Variants in CALN1 observed in about 807,000 individuals in gnomAD.
CALN1 encodes the protein calneuron 1, also known as calcium-binding protein 8.
A neutral mutation model predicts 30.6 loss-of-function variants in CALN1; 17 were observed. That is an observed-to-expected ratio of 0.56 (90% CI 0.38 to 0.83). The LOEUF is 0.83. CALN1 is among the 40% of genes least tolerant of loss of function. The pLI is 0.00. For missense variants in CALN1, 291 were observed against 354.9 expected (o/e 0.82, Z 1.45); for synonymous variants, 156 against 131.4 (o/e 1.19, Z -1.28).
At chr7:72,310,840 T>G (rs1010324221) in intron 2 of CALN1, among the ~76,000 whole-genome samples, 10 of 147,218 alleles carry the variant, frequency 6.8e-5, no homozygotes, top group African/African-American at 2.3e-4. Flanking sequence ...GAGGTGGAGG[T>G]TGCAGTGAGC....
chr7:72,248,590 T>C (rs539760925), intron 3 of CALN1, among the ~76,000 whole-genome samples: 1 of 152,276 alleles, frequency 6.6e-6, no homozygotes, highest in South Asian at 2.1e-4. Flanking sequence ...CTCCCTCTTA[T>C]AAGGACACTT....
In CALN1 at chr7:72,316,160, AAAG is replaced by A. The variant is rs199854611; in HGVS notation, c.120-37353_120-37351del. Among the ~76,000 whole-genome samples, 671 of 49,318 alleles carry A rather than the reference AAAG, an allele frequency of 0.014. 44 individuals carry two copies. In the East Asian group the frequency reaches 0.15, roughly 11 times the overall value. 32.4% of individuals were successfully genotyped at this position (49,318 alleles called of 152,430 possible). On this transcript the variant is annotated intron_variant, in intron 2 of 6. Coordinates refer to ENST00000395275, the MANE Select transcript of CALN1 (RefSeq NM_031468.4). ...ATTATGTCTTTAAAAAAAAAGAAAG[AAAG>A]AAAAAAAAGAATTTGTCCTTAAAAA... is the stretch of plus-strand genomic sequence containing the variant.
chr7:72,025,372 G>T (rs1449395601), intron 4 of CALN1, among the ~76,000 whole-genome samples: 1 of 152,140 alleles, frequency 6.6e-6, no homozygotes, highest in Admixed American at 6.6e-5. Context: ...TCACTGATTT[G>T]CATGCCTATC....
At chr7:72,387,604 C>A (rs951302171) in intron 2 of CALN1, among the ~76,000 whole-genome samples, 1 of 152,146 alleles carries the variant, frequency 6.6e-6, no homozygotes, top group Non-Finnish European at 1.5e-5. Flanking sequence ...CTCCCCTACA[C>A]CCATCACCCC....
At chr7:72,458,967 G>C in the CALN1 span, among the ~76,000 whole-genome samples, 2 of 146,742 alleles carry the variant, frequency 1.4e-5, no homozygotes, top group South Asian at 4.2e-4. Context: ...GTGGAGTGCA[G>C]TGGCACAACC....
chr7:71,835,957 T>C (rs374083132), intron 5 of CALN1, among the ~76,000 whole-genome samples: 16 of 152,316 alleles, frequency 1.1e-4, no homozygotes, highest in African/African-American at 3.4e-4. Flanking sequence ...TGCCTGTTGG[T>C]GTTAGACTCG....
At chr7:72,197,351 A>G (rs1439855938) in intron 3 of CALN1, among the ~76,000 whole-genome samples, 2 of 151,476 alleles carry the variant, frequency 1.3e-5, no homozygotes, top group Non-Finnish European at 2.9e-5. Context: ...ACAGGCGCAC[A>G]CCACCACGCA....
At chr7:72,137,435 T>C (rs1160668129) in intron 3 of CALN1, among the ~76,000 whole-genome samples, 2 of 152,168 alleles carry the variant, frequency 1.3e-5, no homozygotes. Flanking sequence ...TTTGTTGGAA[T>C]CACCAAAATG....
chr7:72,118,690 G>C (rs1489504951), intron 3 of CALN1, among the ~76,000 whole-genome samples: 4 of 95,120 alleles, frequency 4.2e-5, no homozygotes, highest in Non-Finnish European at 4.1e-5. Context: ...GAGTGGATGA[G>C]ATTTAAATAT....
the CALN1 span, among the ~76,000 whole-genome samples, chr7:72,489,485 G>A: frequency 1.8e-4 from 27 of 152,232 alleles, no homozygotes; most frequent in African/African-American, 5.5e-4. Flanking sequence ...GTCTAATCTC[G>A]AGAAAGAGTG....
At chr7:71,872,390 T>C (rs918392290) in intron 5 of CALN1, among the ~76,000 whole-genome samples, 1 of 152,200 alleles carries the variant, frequency 6.6e-6, no homozygotes, top group Non-Finnish European at 1.5e-5. Flanking sequence ...AATCTGTCCT[T>C]ATTTTAACTT....
intron 3 of CALN1, among the ~76,000 whole-genome samples, chr7:72,243,897 CCTT>C (rs1266851635): frequency 6.6e-6 from 1 of 152,150 alleles, no homozygotes; most frequent in East Asian, 1.9e-4. Flanking sequence ...TACTTCTATT[CCTT>C]CTTTTTAGTT....
intron 2 of CALN1, among the ~76,000 whole-genome samples, chr7:72,287,780 G>A (rs1046064185): frequency 1.3e-5 from 2 of 151,916 alleles, no homozygotes; most frequent in African/African-American, 4.8e-5. Context: ...GTTTTCCATT[G>A]TATATAAATT....
chr7:72,050,020 T>G (rs1371334650), intron 4 of CALN1, among the ~76,000 whole-genome samples: 1 of 150,442 alleles, frequency 6.6e-6, no homozygotes, highest in African/African-American at 2.4e-5. Context: ...GGTTTCACCA[T>G]GTTGGTCAGG....
the CALN1 span, among the ~76,000 whole-genome samples, chr7:72,492,543 C>T: frequency 6.6e-6 from 1 of 150,618 alleles, no homozygotes; most frequent in South Asian, 2.1e-4. Flanking sequence ...GGCCTTGCCA[C>T]CTGTGTAGTC....
intron 2 of CALN1, among the ~76,000 whole-genome samples, chr7:72,292,015 AG>A (rs1471906641): frequency 5.6e-4 from 85 of 152,060 alleles, no homozygotes; most frequent in Non-Finnish European, 7.4e-4. Flanking sequence ...AAAAAAAAAA[AG>A]AATTTCAACA....
At chr7:71,909,532 T>C (rs757041990) in intron 5 of CALN1, among the ~76,000 whole-genome samples, 1 of 152,168 alleles carries the variant, frequency 6.6e-6, no homozygotes, top group Non-Finnish European at 1.5e-5. Context: ...AATATTAGAT[T>C]GTTATTATCC....
chr7:72,217,131 G>T (rs901005698), intron 3 of CALN1, among the ~76,000 whole-genome samples: 4 of 152,036 alleles, frequency 2.6e-5, no homozygotes, highest in African/African-American at 9.7e-5. Context: ...CCTTTTTGGG[G>T]GTCTGCTTCC....
the CALN1 span, among the ~76,000 whole-genome samples, chr7:72,500,744 G>A: frequency 3.3e-5 from 5 of 151,380 alleles, no homozygotes; most frequent in Non-Finnish European, 7.4e-5. Flanking sequence ...TGAGTGATGA[G>A]GCACTAATGT....
Sources: gnomAD v4.1 joint callset for allele counts (sites outside exome capture counted in the v4.1 genomes callset) on GRCh38, gnomAD v4.1.1 for gene constraint, MANE v1.5 for transcripts, NCBI Gene and HGNC (gene_info 2026-07-23, HGNC 2026-07-21) for gene names.